Variants in KCNIP4 observed in about 807,000 individuals in gnomAD.
KCNIP4 encodes Kv channel-interacting protein 4.
KCNIP4 carries 12 observed loss-of-function variants against 34.0 expected under a neutral mutation model. The ratio of observed to expected loss-of-function variants is 0.35; its 90% CI spans 0.23 to 0.57. The LOEUF (loss-of-function observed/expected upper bound fraction) is 0.57, where lower values mean the gene tolerates loss of function less well. KCNIP4 is among the 20% of genes least tolerant of loss of function. The pLI is 0.83. For missense variants in KCNIP4, 238 were observed against 311.7 expected (o/e 0.76, Z 1.78); for synonymous variants, 124 against 102.2 (o/e 1.21, Z -1.29).
chr4:21,728,466 C>T (rs1315532304), intron 1 of KCNIP4, among the ~76,000 whole-genome samples: 1 of 152,138 alleles, frequency 6.6e-6, no homozygotes, highest in Non-Finnish European at 1.5e-5. Context: ...ATTGCAGTAG[C>T]CTCTTCACTA....
intron 1 of KCNIP4, among the ~76,000 whole-genome samples, chr4:21,234,939 C>G (rs1759244264): frequency 6.6e-6 from 1 of 152,008 alleles, no homozygotes; most frequent in Admixed American, 6.6e-5. Context: ...TACGCCACCA[C>G]TTCTGGCCAT....
chr4:21,204,177 A>AT (rs34394636), intron 1 of KCNIP4, among the ~76,000 whole-genome samples: 65,539 of 150,322 alleles, frequency 0.44, 16,570 homozygotes, highest in African/African-American at 0.71. Flanking sequence ...CACTCTTCCT[A>AT]TTTTTTTTTA....
At chr4:21,652,257 T>C (rs1265578171) in intron 1 of KCNIP4, among the ~76,000 whole-genome samples, 1 of 152,202 alleles carries the variant, frequency 6.6e-6, no homozygotes. Context: ...GCAGGCTTTG[T>C]CAGCAACTTA....
chr4:20,782,845 G>A (rs1334166924), intron 3 of KCNIP4, among the ~76,000 whole-genome samples: 1 of 152,074 alleles, frequency 6.6e-6, no homozygotes, highest in Admixed American at 6.5e-5. Flanking sequence ...TCAGAAAATG[G>A]GATTTTCTTT....
intron 1 of KCNIP4, among the ~76,000 whole-genome samples, chr4:21,832,101 A>T (rs181921211): frequency 0.01 from 1,549 of 152,298 alleles, 17 homozygotes; most frequent in Non-Finnish European, 0.019. Flanking sequence ...CAAATCAATA[A>T]ATGTGATATA....
chr4:20,810,618 G>A (rs1266512364), intron 3 of KCNIP4, among the ~76,000 whole-genome samples: 1 of 152,050 alleles, frequency 6.6e-6, no homozygotes, highest in Non-Finnish European at 1.5e-5. Context: ...TGTGAATGTA[G>A]ATATTATATC....
chr4:21,346,962 T>C (rs946470992), intron 1 of KCNIP4, among the ~76,000 whole-genome samples: 2 of 152,192 alleles, frequency 1.3e-5, no homozygotes, highest in Non-Finnish European at 1.5e-5. Flanking sequence ...AAACCTAACA[T>C]CATTTTAATT....
intron 1 of KCNIP4, among the ~76,000 whole-genome samples, chr4:21,860,930 CT>C (rs1426641996): frequency 6.6e-6 from 1 of 152,262 alleles, no homozygotes; most frequent in East Asian, 1.9e-4. Context: ...CCAAAACTGC[CT>C]GTTCCTCCCA....
intron 1 of KCNIP4, among the ~76,000 whole-genome samples, chr4:21,690,819 A>G (rs1298476893): frequency 2.0e-5 from 3 of 152,212 alleles, no homozygotes; most frequent in Non-Finnish European, 4.4e-5. Context: ...ATTTTCAAAT[A>G]TCATTTAATT....
intron 1 of KCNIP4, among the ~76,000 whole-genome samples, chr4:21,589,330 G>A (rs1429833829): frequency 2.8e-5 from 4 of 141,304 alleles, no homozygotes; most frequent in African/African-American, 7.9e-5. Flanking sequence ...ATATACACGT[G>A]TATATATATA....
At chr4:21,131,075 G>GAA (rs1162701581) in intron 1 of KCNIP4, among the ~76,000 whole-genome samples, 1 of 152,052 alleles carries the variant, frequency 6.6e-6, no homozygotes, top group Non-Finnish European at 1.5e-5. Context: ...ACGTATTTCT[G>GAA]TATATATATG....
At chr4:21,028,555 A>T (rs780586934) in intron 1 of KCNIP4, among the ~76,000 whole-genome samples, 2 of 152,222 alleles carry the variant, frequency 1.3e-5, no homozygotes, top group Non-Finnish European at 2.9e-5. Flanking sequence ...TCCCAGAGGC[A>T]GTTAGTGAGA....
At chr4:21,104,118 T>C (rs1173507540) in intron 1 of KCNIP4, among the ~76,000 whole-genome samples, 3 of 152,054 alleles carry the variant, frequency 2.0e-5, no homozygotes, top group Non-Finnish European at 4.4e-5. Context: ...GATGGCTGGG[T>C]CAAATGGTAT....
rs539790309 is a variant in KCNIP4 at position 21,224,313 on chromosome 4, C to A, written c.62-341604G>T. Among the ~76,000 whole-genome samples the A allele has an allele frequency of 9.2e-4, 140 of 152,212 alleles. 1 individual carries two copies. The highest frequency in any genetic ancestry group is 2.7e-3 in the African/African-American group (114 of 41,556). ...TGCTTCCTGTCTTGTAGACAGCCAT[C>A]TTCTTGCAGAGAGGAAGAGAGAGCA... On this transcript the variant is annotated intron_variant, in intron 1 of 8. Coordinates refer to ENST00000382152, the MANE Select transcript of KCNIP4 (RefSeq NM_025221.6).
intron 3 of KCNIP4, among the ~76,000 whole-genome samples, chr4:20,816,514 C>G (rs902458377): frequency 6.6e-6 from 1 of 152,138 alleles, no homozygotes; most frequent in African/African-American, 2.4e-5. Flanking sequence ...ATTTCCTTAT[C>G]CCCAGCAGGT....
At chr4:21,238,474 G>C (rs143274892) in intron 1 of KCNIP4, among the ~76,000 whole-genome samples, 8,744 of 152,266 alleles carry the variant, frequency 0.057, 378 homozygotes, top group Non-Finnish European at 0.085. Flanking sequence ...TGTATATCTA[G>C]AAAACCTCAT....
At chr4:21,836,362 T>A (rs1302177689) in intron 1 of KCNIP4, among the ~76,000 whole-genome samples, 1 of 152,132 alleles carries the variant, frequency 6.6e-6, no homozygotes, top group Non-Finnish European at 1.5e-5. Context: ...AGAAAGGAGA[T>A]AATTGCCTCT....
intron 1 of KCNIP4, among the ~76,000 whole-genome samples, chr4:21,194,813 C>G (rs1342231356): frequency 6.6e-6 from 1 of 152,178 alleles, no homozygotes; most frequent in African/African-American, 2.4e-5. Context: ...GCGAACCCTG[C>G]TGCAATTTTG....
At position 20,803,701 on chromosome 4, in the gene KCNIP4, GAA is replaced by G. The variant is rs1329868909; in HGVS notation, c.289-44813_289-44812del. Among the ~76,000 whole-genome samples, 63 of 93,596 alleles carry G rather than the reference GAA, an allele frequency of 6.7e-4. 2 individuals are homozygous for G. The South Asian group carries it at 0.028, about 42-fold the overall frequency. The allele number at this position is 93,596 out of a possible 152,430, so 61.4% of individuals were successfully genotyped here. ...AGAGAAAGAGAGGGAGAGAGAGAGA[GAA>G]AGAGAGAGAGAGAGAGAGAGAGAGA... On this transcript the variant is annotated intron_variant, in intron 3 of 8. Transcript: ENST00000382152.
Sources: gnomAD v4.1 joint callset for allele counts (sites outside exome capture counted in the v4.1 genomes callset) on GRCh38, gnomAD v4.1.1 for gene constraint, MANE v1.5 for transcripts, NCBI Gene and HGNC (gene_info 2026-07-23, HGNC 2026-07-21) for gene names.